TENM3: variants seen among roughly 807,000 people sequenced by gnomAD.
TENM3 encodes the protein teneurin-3.
A neutral mutation model predicts 255.1 loss-of-function variants in TENM3; 63 were observed. That is an observed-to-expected ratio of 0.25 (90% CI 0.20 to 0.30). TENM3 has a LOEUF of 0.30. Ranked by LOEUF, TENM3 falls within the 10% of genes least tolerant of loss-of-function variation. The pLI is 1.00. For synonymous variants in TENM3, 1,306 were observed against 1,322.3 expected, an observed-to-expected ratio of 0.99 and a Z score of 0.27; for missense variants, 2,929 against 3,461.1, an observed-to-expected ratio of 0.85 and a Z score of 3.86.
Position 182,794,094 on chromosome 4 carries a change from A to G in TENM3, c.7213+209A>G, listed in dbSNP as rs72703972. 0.1 allele frequency among the ~76,000 whole-genome samples: 15,444 copies of G among 152,242 alleles called. 879 individuals carry two copies. Among genetic ancestry groups the G allele is most frequent in the Admixed American group, 0.12 (1,878 of 15,292 alleles). ...ATATTTACTTCCTATTCTGCCTGCC[A>G]TTGCCCAAGGCCACAAGTTTTTGAA... On this transcript the variant is annotated intron_variant, in intron 26 of 27. Transcript: ENST00000511685.
chr4:182,257,870 G>A (rs1758520041), intron 1 of TENM3, among the ~76,000 whole-genome samples: 2 of 152,078 alleles, frequency 1.3e-5, no homozygotes, highest in South Asian at 4.1e-4. Flanking sequence ...ACATCTAGTG[G>A]AAAAAGAACA....
intron 1 of TENM3, among the ~76,000 whole-genome samples, chr4:182,300,233 G>A (rs1761770758): frequency 6.8e-6 from 1 of 148,096 alleles, no homozygotes; most frequent in Admixed American, 6.7e-5. Flanking sequence ...AATTATTTAT[G>A]AGAATCGTTT....
At chr4:182,008,823 C>A in the TENM3 span, among the ~76,000 whole-genome samples, 1 of 152,094 alleles carries the variant, frequency 6.6e-6, no homozygotes, top group Non-Finnish European at 1.5e-5. Flanking sequence ...GGGTTTTCAG[C>A]ATTTTTTCAT....
At chr4:181,784,335 T>A in the TENM3 span, among the ~76,000 whole-genome samples, 3 of 152,092 alleles carry the variant, frequency 2.0e-5, no homozygotes, top group Non-Finnish European at 2.9e-5. Flanking sequence ...ATTTTATCTC[T>A]ACTCTCCTCG....
intron 18 of TENM3, 66 bp from the exon 19 acceptor site, chr4:182,743,104 A>G: frequency 2.0e-6 from 3 of 1,486,612 alleles, no homozygotes; most frequent in Non-Finnish European, 1.8e-6. Context: ...ACAATCATGA[A>G]CATGTTTGCT....
the TENM3 span, among the ~76,000 whole-genome samples, chr4:181,780,124 T>A: frequency 1.3e-5 from 2 of 152,224 alleles, no homozygotes; most frequent in Non-Finnish European, 2.9e-5. Flanking sequence ...TATAGCAGCA[T>A]GATTTATAAT....
At chr4:181,596,166 T>G in the TENM3 span, among the ~76,000 whole-genome samples, 42 of 152,316 alleles carry the variant, frequency 2.8e-4, no homozygotes, top group African/African-American at 9.4e-4. Flanking sequence ...TGAAGTCTTG[T>G]TTTTGTAGAC....
At chr4:182,028,995 C>T in the TENM3 span, among the ~76,000 whole-genome samples, 3 of 151,976 alleles carry the variant, frequency 2.0e-5, no homozygotes, top group Non-Finnish European at 2.9e-5. Context: ...CTGTATTAGT[C>T]GATTTTCACG....
the TENM3 span, among the ~76,000 whole-genome samples, chr4:181,815,462 C>CAAAAA: frequency 6.1e-5 from 5 of 82,054 alleles, no homozygotes; most frequent in East Asian, 8.1e-4. Flanking sequence ...GACTCCCTAT[C>CAAAAA]AAAAAAAAAA....
chr4:182,308,177 C>CT (rs1231337529), intron 1 of TENM3, among the ~76,000 whole-genome samples: 1 of 152,170 alleles, frequency 6.6e-6, no homozygotes. Context: ...CAGCCCCCTC[C>CT]TAGGGGTGCT....
chr4:182,359,425 A>T (rs1580283402), intron 3 of TENM3, among the ~76,000 whole-genome samples: 1 of 150,334 alleles, frequency 6.7e-6, no homozygotes, highest in African/African-American at 2.4e-5. Flanking sequence ...CAGAGATTCA[A>T]CTTCTTCCTG....
At chr4:181,506,202 C>T in the TENM3 span, among the ~76,000 whole-genome samples, 2 of 152,082 alleles carry the variant, frequency 1.3e-5, no homozygotes, top group South Asian at 4.1e-4. Flanking sequence ...AACAATATTT[C>T]TCCTGAAAAC....
chr4:181,839,925 G>A, the TENM3 span, among the ~76,000 whole-genome samples: 3 of 151,804 alleles, frequency 2.0e-5, no homozygotes, highest in Non-Finnish European at 2.9e-5. Flanking sequence ...ATTGATTGAC[G>A]TCTTTTCAAT....
chr4:181,589,502 T>C, the TENM3 span, among the ~76,000 whole-genome samples: 2 of 152,264 alleles, frequency 1.3e-5, no homozygotes, highest in East Asian at 3.9e-4. Flanking sequence ...ACACTTAGAT[T>C]GGAGAGATTA....
chr4:182,077,702 G>A, the TENM3 span, among the ~76,000 whole-genome samples: 16 of 152,320 alleles, frequency 1.1e-4, no homozygotes, highest in South Asian at 3.3e-3. Context: ...AATCTAAGCA[G>A]ACAGAGGTTC....
At chr4:182,250,054 C>CTTTTTTTTTTTTTTTTTCT (rs957483629) in intron 1 of TENM3, among the ~76,000 whole-genome samples, 1 of 128,448 alleles carries the variant, frequency 7.8e-6, no homozygotes. Context: ...TTTCTTTTTT[C>CTTTTTTTTTTTTTTTTTCT]TTTTTTTTTT....
At chr4:182,354,459 T>TAAAA (rs1765391472) in intron 3 of TENM3, among the ~76,000 whole-genome samples, 1 of 152,204 alleles carries the variant, frequency 6.6e-6, no homozygotes, top group Non-Finnish European at 1.5e-5. Context: ...AAAATAAGTG[T>TAAAA]TAGAGCCATA....
At chr4:182,288,806 G>T (rs1415497882) in intron 1 of TENM3, among the ~76,000 whole-genome samples, 1 of 152,186 alleles carries the variant, frequency 6.6e-6, no homozygotes, top group African/African-American at 2.4e-5. Flanking sequence ...ATGGAGCACA[G>T]GGTGGAATAC....
intron 1 of TENM3, among the ~76,000 whole-genome samples, chr4:182,264,715 A>G (rs1167798247): frequency 2.0e-5 from 3 of 152,090 alleles, no homozygotes; most frequent in Admixed American, 2.0e-4. Flanking sequence ...TTCTCTGAGC[A>G]TCTTGGAGGT....
Sources: gnomAD v4.1 joint callset for allele counts (sites outside exome capture counted in the v4.1 genomes callset) on GRCh38, gnomAD v4.1.1 for gene constraint, MANE v1.5 for transcripts, NCBI Gene and HGNC (gene_info 2026-07-23, HGNC 2026-07-21) for gene names.